Variants in ARHGAP21 observed in about 807,000 individuals in gnomAD.
ARHGAP21 encodes the protein rho GTPase-activating protein 21.
A neutral mutation model predicts 164.6 loss-of-function variants in ARHGAP21; 38 were observed. The ratio of observed to expected loss-of-function variants is 0.23; its 90% CI spans 0.18 to 0.30. The LOEUF is 0.30. Among genes scored for constraint, ARHGAP21 ranks in the 10% least tolerant of loss-of-function variants. The probability of loss-of-function intolerance (pLI) is 1.00; values close to 1 mark genes in which losing one functional copy is unlikely to be tolerated. For synonymous variants in ARHGAP21, 766 were observed against 857.9 expected, an observed-to-expected ratio of 0.89 and a Z score of 1.87; for missense variants, 1,822 against 2,370.7, an observed-to-expected ratio of 0.77 and a Z score of 4.81.
At chr10:24,592,251 T>C (rs748390271) in intron 21 of ARHGAP21, among the ~76,000 whole-genome samples, 3 of 147,790 alleles carry the variant, frequency 2.0e-5, no homozygotes, top group African/African-American at 7.5e-5. Context: ...GCACTCTCGA[T>C]AGAATCTTAT....
intron 4 of ARHGAP21, among the ~76,000 whole-genome samples, chr10:24,641,841 C>A (rs1339746245): frequency 6.6e-6 from 1 of 151,496 alleles, no homozygotes; most frequent in Non-Finnish European, 1.5e-5. Context: ...TAAAAACACA[C>A]AAAAAATTAG....
chr10:24,604,940 C>T (rs970143441), intron 11 of ARHGAP21, among the ~76,000 whole-genome samples: 4 of 152,030 alleles, frequency 2.6e-5, no homozygotes. Flanking sequence ...TTAAAGTAAT[C>T]GAAAATAATT....
At chr10:24,714,787 C>T (rs1845193760) in intron 2 of ARHGAP21, among the ~76,000 whole-genome samples, 1 of 152,112 alleles carries the variant, frequency 6.6e-6, no homozygotes, top group Non-Finnish European at 1.5e-5. Flanking sequence ...GTAATCCTAG[C>T]ACTTTGGGAG....
At position 24,659,747 on chromosome 10, in the gene ARHGAP21, T is replaced by C. The variant is rs569713028; in HGVS notation, c.268+7238A>G. Reference sequence around the variant, plus strand: ...TCAACCTCCTGGCCTCAAGCTGTTCTCCTGCCTTGGCCTCCCAAAGTGCTG... The same window carrying C: ...TCAACCTCCTGGCCTCAAGCTGTTCCCCTGCCTTGGCCTCCCAAAGTGCTG... On this transcript the variant is annotated intron_variant, in intron 4 of 25. Transcript: ENST00000396432. Among the ~76,000 whole-genome samples, 11 of 152,296 alleles carry C rather than the reference T, an allele frequency of 7.2e-5. No individual in the cohort carries two copies. The East Asian group carries it at 2.1e-3, about 29-fold the overall frequency.
Sources: gnomAD v4.1 joint callset for allele counts (sites outside exome capture counted in the v4.1 genomes callset) on GRCh38, gnomAD v4.1.1 for gene constraint, MANE v1.5 for transcripts, NCBI Gene and HGNC (gene_info 2026-07-23, HGNC 2026-07-21) for gene names.